The following GRIN2A variants were observed in gnomAD, a reference collection of about 807,000 sequenced individuals.
GRIN2A encodes the protein glutamate receptor ionotropic, NMDA 2A.
GRIN2A carries 22 observed loss-of-function variants against 113.4 expected under a neutral mutation model. That is an observed-to-expected ratio of 0.19 (90% CI 0.14 to 0.28). The LOEUF is 0.28. Ranked by LOEUF, GRIN2A falls within the 10% of genes least tolerant of loss-of-function variation. GRIN2A has a pLI of 1.00. For missense variants in GRIN2A, 1,502 were observed against 1,887.0 expected (o/e 0.80, Z 3.78); for synonymous variants, 827 against 738.4 (o/e 1.12, Z -1.94).
At chr16:9,888,704 G>T (rs1176937404) in intron 4 of GRIN2A, among the ~76,000 whole-genome samples, 2 of 151,644 alleles carry the variant, frequency 1.3e-5, no homozygotes, top group African/African-American at 2.4e-5. Flanking sequence ...GTCAAATAAA[G>T]CATCTCATGA....
chr16:9,805,084 G>C (rs931478277), intron 10 of GRIN2A, among the ~76,000 whole-genome samples: 6 of 151,988 alleles, frequency 3.9e-5, no homozygotes, highest in African/African-American at 1.5e-4. Context: ...CCTGCACAAT[G>C]GCCTTGAAAG....
chr16:10,060,795 T>C (rs2047539315), intron 2 of GRIN2A, among the ~76,000 whole-genome samples: 1 of 152,172 alleles, frequency 6.6e-6, no homozygotes, highest in African/African-American at 2.4e-5. Context: ...GAAAGCTGCG[T>C]TTCCTCTTTA....
intron 2 of GRIN2A, among the ~76,000 whole-genome samples, chr16:10,177,218 G>T (rs1332456609): frequency 6.6e-6 from 1 of 152,246 alleles, no homozygotes; most frequent in Non-Finnish European, 1.5e-5. Flanking sequence ...AGGAAGGGCT[G>T]TTCACCTCTC....
At chr16:10,086,107 T>A (rs974318719) in intron 2 of GRIN2A, among the ~76,000 whole-genome samples, 4 of 152,188 alleles carry the variant, frequency 2.6e-5, no homozygotes, top group Non-Finnish European at 5.9e-5. Context: ...AAAGTGTTTG[T>A]TGAATTGGAT....
chr16:9,929,394 C>G (rs559380085), intron 3 of GRIN2A, among the ~76,000 whole-genome samples: 1 of 152,218 alleles, frequency 6.6e-6, no homozygotes. Context: ...ACACCACCAT[C>G]TACTCAGCTA....
chr16:9,991,901 G>T (rs538964178), intron 2 of GRIN2A, among the ~76,000 whole-genome samples: 1 of 152,146 alleles, frequency 6.6e-6, no homozygotes, highest in Non-Finnish European at 1.5e-5. Context: ...GGCCTGTCAG[G>T]GGGTAGTGGG....
intron 2 of GRIN2A, among the ~76,000 whole-genome samples, chr16:10,075,604 A>G (rs1017570917): frequency 2.0e-5 from 3 of 152,186 alleles, no homozygotes; most frequent in African/African-American, 7.2e-5. Flanking sequence ...GGTTATATAT[A>G]TTCTACCACA....
intron 2 of GRIN2A, among the ~76,000 whole-genome samples, chr16:10,081,061 C>T (rs187278385): frequency 1.3e-5 from 2 of 152,238 alleles, no homozygotes; most frequent in African/African-American, 4.8e-5. Flanking sequence ...TTTGCAGAGT[C>T]CCAACTGCAG....
intron 2 of GRIN2A, among the ~76,000 whole-genome samples, chr16:10,122,443 A>G (rs1237957929): frequency 6.6e-6 from 1 of 152,174 alleles, no homozygotes; most frequent in African/African-American, 2.4e-5. Flanking sequence ...TCGGCTATTC[A>G]GAATGAGCTA....
At chr16:10,163,336 T>C (rs72776077) in intron 2 of GRIN2A, among the ~76,000 whole-genome samples, 368 of 152,294 alleles carry the variant, frequency 2.4e-3, no homozygotes, top group Non-Finnish European at 4.4e-3. Flanking sequence ...TCTGTTTTCA[T>C]ATTTTAGGAA....
chr16:10,001,327 CAGGTAGGATTCACCTGGTTGCA>C (rs1176853248), intron 2 of GRIN2A, among the ~76,000 whole-genome samples: 1 of 152,174 alleles, frequency 6.6e-6, no homozygotes, highest in Non-Finnish European at 1.5e-5. Flanking sequence ...GTGCATCTAT[CAGGTAGGATTCACCTGGTTGCA>C]AGTGACAGAA....
intron 2 of GRIN2A, among the ~76,000 whole-genome samples, chr16:10,127,788 C>G (rs556476868): frequency 1.3e-5 from 2 of 152,314 alleles, no homozygotes; most frequent in Admixed American, 1.3e-4. Context: ...CCAAGAGTAT[C>G]AAGTTGAGCT....
At chr16:10,057,210 A>G (rs932930211) in intron 2 of GRIN2A, among the ~76,000 whole-genome samples, 1 of 152,228 alleles carries the variant, frequency 6.6e-6, no homozygotes, top group African/African-American at 2.4e-5. Context: ...TAGTAGCACG[A>G]TATTATGGGT....
chr16:10,018,475 C>T (rs994257793), intron 2 of GRIN2A, among the ~76,000 whole-genome samples: 2 of 152,140 alleles, frequency 1.3e-5, no homozygotes, highest in African/African-American at 4.8e-5. Context: ...CCAGCAGCTG[C>T]GTGCTAAGGG....
intron 4 of GRIN2A, among the ~76,000 whole-genome samples, chr16:9,856,624 CAAA>C (rs1178111932): frequency 9.1e-5 from 5 of 54,816 alleles, no homozygotes. Flanking sequence ...GACTCCATCT[CAAA>C]AAAAAAAAAA....
intron 2 of GRIN2A, chr16:10,111,364 G>A (rs7187914): frequency 0.31 from 134,163 of 438,642 alleles, 21,296 homozygotes; most frequent in East Asian, 0.45. Flanking sequence ...TTGTCGCTTC[G>A]CGGGGCCTTG....
chr16:10,007,696 TA>T (rs1170667202), intron 2 of GRIN2A, among the ~76,000 whole-genome samples: 29 of 152,140 alleles, frequency 1.9e-4, no homozygotes, highest in Non-Finnish European at 2.9e-5. Flanking sequence ...AATTTTAATT[TA>T]GGGGGCTAAA....
intron 2 of GRIN2A, among the ~76,000 whole-genome samples, chr16:10,103,961 C>T (rs1230272955): frequency 6.6e-6 from 1 of 152,196 alleles, no homozygotes; most frequent in African/African-American, 2.4e-5. Flanking sequence ...ATTCAGGAAC[C>T]ACTTCCAGCA....
At chr16:10,085,381 C>T (rs76990086) in intron 2 of GRIN2A, among the ~76,000 whole-genome samples, 30,855 of 152,100 alleles carry the variant, frequency 0.2, 3,683 homozygotes, top group East Asian at 0.43. Context: ...CACGCAAATG[C>T]ACAGTAAATT....
Sources: gnomAD v4.1 joint callset for allele counts (sites outside exome capture counted in the v4.1 genomes callset) on GRCh38, gnomAD v4.1.1 for gene constraint, MANE v1.5 for transcripts, NCBI Gene and HGNC (gene_info 2026-07-23, HGNC 2026-07-21) for gene names.